The following RADIL variants were observed in gnomAD, a reference collection of about 807,000 sequenced individuals.
RADIL encodes the protein Rap associating with DIL domain.
Under a neutral mutation model 97.6 loss-of-function variants are expected in RADIL, and 99 were observed. The observed-to-expected ratio is 1.01, with a 90% CI of 0.86 to 1.20. RADIL has a LOEUF of 1.20. Ranked by LOEUF, RADIL falls within the 50% of genes most tolerant of loss-of-function variation. The pLI, the probability that RADIL is intolerant of heterozygous loss-of-function variation, is 0.00. For missense variants in RADIL, 1,765 were observed against 1,498.9 expected (o/e 1.18, Z -2.93); for synonymous variants, 803 against 691.8 (o/e 1.16, Z -2.52).
At chr7:4,882,472 A>G (rs980738682) in intron 1 of RADIL, among the ~76,000 whole-genome samples, 1 of 152,182 alleles carries the variant, frequency 6.6e-6, no homozygotes, top group Non-Finnish European at 1.5e-5. Flanking sequence ...CTTGTTCTCA[A>G]GGAAGGGTCC....
chr7:4,842,682 C>T lies in RADIL; in HGVS notation c.536-6077G>A, dbSNP rs1287865003. Among the ~76,000 whole-genome samples the T allele has an allele frequency of 6.6e-6, 1 of 152,156 alleles. No homozygotes were observed. The highest frequency in any genetic ancestry group is 1.5e-5 in the Non-Finnish European group (1 of 68,034). ...GCCTCCTGATCCTGTTTTCTCTTCC[C>T]TCCCTGGCTCTTGATGGTTTGGAAT... On this transcript the variant is annotated intron_variant, in intron 2 of 14. Coordinates refer to ENST00000399583, the MANE Select transcript of RADIL (RefSeq NM_018059.5). The surrounding 1 kb of genome is among the most constrained non-coding windows in gnomAD (Gnocchi z 4.5).
intron 4 of RADIL, among the ~76,000 whole-genome samples, chr7:4,832,945 G>A (rs1207623588): frequency 6.6e-6 from 1 of 152,158 alleles, no homozygotes; most frequent in Non-Finnish European, 1.5e-5. Context: ...ACAGCACCCA[G>A]CGGAGGCTTC....
chr7:4,876,050 G>A (rs1784370258), intron 2 of RADIL, among the ~76,000 whole-genome samples: 1 of 152,142 alleles, frequency 6.6e-6, no homozygotes, highest in African/African-American at 2.4e-5. Context: ...CTGGGCTAGA[G>A]TGCAGTGGTA....
At chr7:4,870,007 C>T (rs116822886) in intron 2 of RADIL, among the ~76,000 whole-genome samples, 227 of 152,288 alleles carry the variant, frequency 1.5e-3, no homozygotes, top group African/African-American at 5.2e-3. Context: ...AGTGTGTTGG[C>T]ATGTGCCTGT....
intron 2 of RADIL, 144 bp from the exon 3 acceptor site, chr7:4,836,749 C>G: frequency 1.8e-6 from 2 of 1,091,714 alleles, no homozygotes; most frequent in South Asian, 2.8e-5. Context: ...ACCAGCCTGG[C>G]CAACACAGTG....
At chr7:4,882,711 A>C (rs1437894827) in intron 1 of RADIL, among the ~76,000 whole-genome samples, 1 of 152,198 alleles carries the variant, frequency 6.6e-6, no homozygotes, top group Non-Finnish European at 1.5e-5. Flanking sequence ...ACGCTTTCAA[A>C]TGCAAACATA....
At chr7:4,807,358 TTTGA>T (rs932516543) in intron 9 of RADIL, among the ~76,000 whole-genome samples, 8 of 152,002 alleles carry the variant, frequency 5.3e-5, no homozygotes, top group South Asian at 4.1e-4. Context: ...GGTGGTTCTG[TTTGA>T]TTGTGAGTTC....
chr7:4,815,394 G>C lies in RADIL; in HGVS notation c.2023C>G (p.Gln675Glu). Residue 675 changes from glutamine (Q) to glutamate (E), a missense_variant, in exon 9 of 15, where the codon CAG becomes GAG. By Grantham distance (29) the Gln-to-Glu change is conservative. Coordinates refer to ENST00000399583, the MANE Select transcript of RADIL (RefSeq NM_018059.5). The surrounding 1 kb of genome is among the most constrained non-coding windows in gnomAD (Gnocchi z 8.0). ...CTCCGCATCCACTCCAGGAGCTGCT[G>C]CAGGCGGGCGCAGGCCTGGACACCT... ...PRGVQACARL[Q>E]QLLEWMRSAG... 1 of 1,561,456 alleles carries C rather than the reference G, an allele frequency of 6.4e-7. No individual in the cohort carries two copies. The highest frequency in any genetic ancestry group is 8.7e-7 in the Non-Finnish European group (1 of 1,152,644).
At position 4,797,816 on chromosome 7, in the gene RADIL, T is replaced by C. The variant is rs952078240; in HGVS notation, c.*1562A>G. ...CAACGTGGTGAAACCCTGTCTCTAC[T>C]AAAAGTACTAAATTAGCCAAGCGTG... is the stretch of plus-strand genomic sequence containing the variant. On this transcript the variant is annotated 3_prime_UTR_variant, in exon 15 of 15. Coordinates refer to ENST00000399583, the MANE Select transcript of RADIL (RefSeq NM_018059.5). 1.3e-5 allele frequency: 2 copies of C among 151,972 alleles called. No individual in the cohort carries two copies. Among genetic ancestry groups the C allele is most frequent in the African/African-American group, 2.4e-5 (1 of 41,368 alleles). The allele number at this position is 151,972 out of a possible 1,614,324, so 9.4% of individuals were successfully genotyped here. A position where few individuals can be genotyped will look rare whatever the true frequency, so the allele number is the denominator to read the frequency against.
intron 2 of RADIL, among the ~76,000 whole-genome samples, chr7:4,847,459 A>G (rs1355704761): frequency 6.6e-6 from 1 of 152,184 alleles, no homozygotes; most frequent in East Asian, 1.9e-4. Context: ...TTACACATGA[A>G]TTTACCTGTG....
intron 9 of RADIL, among the ~76,000 whole-genome samples, chr7:4,806,895 G>C (rs1367068151): frequency 1.3e-5 from 2 of 152,198 alleles, no homozygotes; most frequent in East Asian, 3.9e-4. Context: ...AATCTTCAGG[G>C]TCTGCCTTGT....
chr7:4,877,699 C>T lies in RADIL; in HGVS notation c.441G>A (p.Trp147Ter). 4 of 1,614,196 alleles carry T rather than the reference C, an allele frequency of 2.5e-6. No individual in the cohort carries two copies. The highest frequency in any genetic ancestry group is 3.4e-6 in the Non-Finnish European group (4 of 1,180,034). ...TCCGGGATAAACCTTCTCGGGGTTT[C>T]CATAATTCCTGGATCAAGAGGGGCT... Reference protein sequence around the residue: ...SEKPLLIQELWKPREGLSRRF... With the variant: ...SEKPLLIQEL The change falls in exon 2 of 15, where the codon TGG becomes TGA. Residue 147 changes from tryptophan to a stop codon, truncating the protein, a stop_gained. Transcript: ENST00000399583. LOFTEE classifies it high-confidence loss of function.
At chr7:4,874,555 G>A (rs1480680752) in intron 2 of RADIL, among the ~76,000 whole-genome samples, 2 of 152,236 alleles carry the variant, frequency 1.3e-5, no homozygotes, top group Non-Finnish European at 2.9e-5. Flanking sequence ...GAGAAGGTCA[G>A]CAAGGAAGGA....
intron 2 of RADIL, chr7:4,860,261 G>A (rs1340795837): frequency 3.1e-6 from 5 of 1,613,840 alleles, no homozygotes; most frequent in Admixed American, 1.7e-5. Context: ...GTTCAAATCT[G>A]TCAATCTTCT....
At position 4,799,212 on chromosome 7, in the gene RADIL, G is replaced by C; in HGVS notation, c.*166C>G. On this transcript the variant is annotated 3_prime_UTR_variant, in exon 15 of 15. Transcript: ENST00000399583. ...TTTCACGTCATCTGCCATATAAATA[G>C]AACCTACACTGAGATGCATGTTATC... The C allele has an allele frequency of 1.6e-6, 1 of 610,726 alleles. No individual in the cohort carries two copies. The highest frequency in any genetic ancestry group is 2.9e-6 in the Non-Finnish European group (1 of 343,624). 37.8% of individuals were successfully genotyped at this position (610,726 alleles called of 1,614,324 possible).
chr7:4,846,239 C>G (rs1208946708), intron 2 of RADIL, among the ~76,000 whole-genome samples: 1 of 151,792 alleles, frequency 6.6e-6, no homozygotes, highest in African/African-American at 2.4e-5. Flanking sequence ...CTCCGACTCC[C>G]TGGTTCAAGC....
rs750692903 is a variant in RADIL, at chr7:4,817,232, C to T, written c.1728+7G>A. 32 of 1,607,098 alleles carry T rather than the reference C, an allele frequency of 2.0e-5. No individual in the cohort carries two copies. The highest frequency in any genetic ancestry group is 2.6e-5 in the Non-Finnish European group (30 of 1,175,934). The stretch of plus-strand genomic sequence containing the variant: ...CCTGAGTGCAGAAGCAGAGCCCGTC[C>T]GTGCACCTTGGAGACATAGTAGACG... On this transcript the variant is annotated splice_region_variant and intron_variant, in intron 7 of 14. Coordinates refer to ENST00000399583, the MANE Select transcript of RADIL (RefSeq NM_018059.5). The surrounding 1 kb of genome is among the most constrained non-coding windows in gnomAD (Gnocchi z 8.3).
intron 2 of RADIL, among the ~76,000 whole-genome samples, chr7:4,850,900 G>A (rs1420124171): frequency 6.6e-6 from 1 of 152,170 alleles, no homozygotes; most frequent in Admixed American, 6.5e-5. Flanking sequence ...GTAGTTGCAA[G>A]CAATAGAAAA....
chr7:4,823,133 G>T (rs544160895), intron 5 of RADIL, among the ~76,000 whole-genome samples: 3 of 152,202 alleles, frequency 2.0e-5, no homozygotes, highest in Admixed American at 6.5e-5. Context: ...CAAAGCATGA[G>T]ATTTGAAGAC....
Sources: allele counts gnomAD v4.1 joint callset (sites outside exome capture counted in the v4.1 genomes callset), GRCh38; gene constraint gnomAD v4.1.1; non-coding constraint Gnocchi (gnomAD v3.1); transcripts MANE v1.5; gene names NCBI Gene and HGNC (gene_info 2026-07-23, HGNC 2026-07-21).